TAFA2: variants seen among roughly 807,000 people sequenced by gnomAD.
TAFA2 encodes chemokine-like protein TAFA-2.
A neutral mutation model predicts 18.8 loss-of-function variants in TAFA2; 7 were observed. That is an observed-to-expected ratio of 0.37 (90% CI 0.21 to 0.70). The LOEUF (loss-of-function observed/expected upper bound fraction) is 0.70, where lower values mean the gene tolerates loss of function less well. Among genes scored for constraint, TAFA2 ranks in the 30% least tolerant of loss-of-function variants. The pLI, the probability that TAFA2 is intolerant of heterozygous loss-of-function variation, is 0.53. For synonymous variants in TAFA2, 60 were observed against 54.2 expected (o/e 1.11, Z -0.47); for missense variants, 122 against 158.1 (o/e 0.77, Z 1.23).
At chr12:61,841,183 C>G (rs1292811602) in intron 2 of TAFA2, among the ~76,000 whole-genome samples, 5 of 152,048 alleles carry the variant, frequency 3.3e-5, no homozygotes, top group Admixed American at 6.6e-5. Flanking sequence ...AATGTGCAAT[C>G]ACAATGAGCA....
At chr12:61,854,635 T>G (rs576572392) in intron 2 of TAFA2, among the ~76,000 whole-genome samples, 1 of 152,082 alleles carries the variant, frequency 6.6e-6, no homozygotes, top group South Asian at 2.1e-4. Context: ...ATAAGAATCA[T>G]CTTAGACTTT....
At chr12:62,044,183 C>CAG (rs1453274899) in intron 1 of TAFA2, among the ~76,000 whole-genome samples, 1 of 151,952 alleles carries the variant, frequency 6.6e-6, no homozygotes, top group Non-Finnish European at 1.5e-5. Flanking sequence ...CAGGAAAACT[C>CAG]AGATTCCAAA....
chr12:61,794,824 T>C (rs1871125739), intron 2 of TAFA2, among the ~76,000 whole-genome samples: 1 of 152,068 alleles, frequency 6.6e-6, no homozygotes, highest in African/African-American at 2.4e-5. Context: ...TTTTGCAATC[T>C]ACTCATCTGA....
At chr12:62,124,267 A>G (rs77825154) in intron 1 of TAFA2, among the ~76,000 whole-genome samples, 7,612 of 152,124 alleles carry the variant, frequency 0.05, 290 homozygotes, top group Non-Finnish European at 0.078. Flanking sequence ...ACCAAAGGTC[A>G]TATAAGGTCT....
chr12:61,879,729 T>C, intron 1 of TAFA2: 5 of 1,182,464 alleles, frequency 4.2e-6, no homozygotes, highest in Non-Finnish European at 6.3e-6. Flanking sequence ...CAGAGCAACA[T>C]GGACAACATG....
At chr12:62,114,873 A>C (rs911844382) in intron 1 of TAFA2, among the ~76,000 whole-genome samples, 2 of 152,154 alleles carry the variant, frequency 1.3e-5, no homozygotes, top group Admixed American at 1.3e-4. Flanking sequence ...TCATAGCACC[A>C]AGGGTCCCCA....
At chr12:61,764,621 G>A (rs1057505455) in intron 2 of TAFA2, among the ~76,000 whole-genome samples, 2 of 152,040 alleles carry the variant, frequency 1.3e-5, no homozygotes, top group Non-Finnish European at 2.9e-5. Context: ...TAGACTTAGA[G>A]ATTTCTCCCA....
At chr12:61,801,789 CA>C (rs1322776455) in intron 2 of TAFA2, among the ~76,000 whole-genome samples, 3 of 151,964 alleles carry the variant, frequency 2.0e-5, no homozygotes, top group Admixed American at 6.6e-5. Context: ...TGGCTCTACA[CA>C]GCAAAAGAAA....
At chr12:61,935,970 T>C (rs2121405654) in intron 1 of TAFA2, among the ~76,000 whole-genome samples, 1 of 152,128 alleles carries the variant, frequency 6.6e-6, no homozygotes, top group South Asian at 2.1e-4. Context: ...TCCTAAAAGA[T>C]TAATAAAGAG....
At chr12:61,950,114 C>A (rs139772135) in intron 1 of TAFA2, among the ~76,000 whole-genome samples, 2 of 152,224 alleles carry the variant, frequency 1.3e-5, no homozygotes, top group African/African-American at 4.8e-5. Context: ...CTTTTTAAGG[C>A]TGAATGATAT....
intron 1 of TAFA2, among the ~76,000 whole-genome samples, chr12:62,231,007 T>G (rs1257523442): frequency 6.6e-6 from 1 of 152,208 alleles, no homozygotes. Flanking sequence ...GAGAAAAATA[T>G]GTATTCTGCA....
At chr12:62,235,310 C>A in intron 1 of TAFA2, 1 of 667,988 alleles carries the variant, frequency 1.5e-6, no homozygotes, top group Non-Finnish European at 2.7e-6. Context: ...ACAAGGGGGC[C>A]CTCGGCATCT....
intron 1 of TAFA2, among the ~76,000 whole-genome samples, chr12:62,059,582 G>A (rs900905185): frequency 3.3e-5 from 5 of 152,010 alleles, no homozygotes; most frequent in African/African-American, 9.7e-5. Context: ...GGTCAGGAAA[G>A]GGCTCCAGAA....
At chr12:62,206,144 C>T (rs1403891638) in intron 1 of TAFA2, among the ~76,000 whole-genome samples, 1 of 151,678 alleles carries the variant, frequency 6.6e-6, no homozygotes, top group African/African-American at 2.4e-5. Context: ...AGCCTCCAAC[C>T]CCAGCTGTTT....
At chr12:61,986,562 GTGCTGGGAT>G (rs1879826164) in intron 1 of TAFA2, among the ~76,000 whole-genome samples, 1 of 151,320 alleles carries the variant, frequency 6.6e-6, no homozygotes, top group African/African-American at 2.4e-5. Flanking sequence ...GCCTCCCAAA[GTGCTGGGAT>G]TACAGGCATG....
At chr12:62,252,443 A>G (rs1218654445) in intron 1 of TAFA2, 1 of 152,166 alleles carries the variant, frequency 6.6e-6, no homozygotes, top group Non-Finnish European at 1.5e-5. Flanking sequence ...GGAAATGCTC[A>G]CCTTTTGGGA....
At chr12:61,992,019 T>C (rs926897600) in intron 1 of TAFA2, among the ~76,000 whole-genome samples, 1 of 152,164 alleles carries the variant, frequency 6.6e-6, no homozygotes, top group African/African-American at 2.4e-5. Flanking sequence ...CTCTAAACGT[T>C]CATATAACTC....
chr12:62,089,908 C>T (rs993221279), intron 1 of TAFA2, among the ~76,000 whole-genome samples: 6 of 152,156 alleles, frequency 3.9e-5, no homozygotes, highest in African/African-American at 1.2e-4. Context: ...GTTCTTTAAT[C>T]GTAGTTGTTT....
At chr12:61,947,364 G>A (rs1324657933) in intron 1 of TAFA2, among the ~76,000 whole-genome samples, 63 of 149,532 alleles carry the variant, frequency 4.2e-4, no homozygotes, top group Non-Finnish European at 6.7e-4. Context: ...GCTAGATGAC[G>A]AGTTAGTGGG....
Sources: allele counts gnomAD v4.1 joint callset (sites outside exome capture counted in the v4.1 genomes callset), GRCh38; gene constraint gnomAD v4.1.1; transcripts MANE v1.5; gene names NCBI Gene and HGNC (gene_info 2026-07-23, HGNC 2026-07-21).